The following ZNF407 variants were observed in gnomAD, a reference collection of about 807,000 sequenced individuals.
ZNF407 encodes the protein zinc finger protein 407.
ZNF407 carries 17 observed loss-of-function variants against 131.2 expected under a neutral mutation model. The ratio of observed to expected loss-of-function variants is 0.13; its 90% confidence interval spans 0.09 to 0.19. ZNF407 has a LOEUF of 0.19. Ranked by LOEUF, ZNF407 falls within the 10% of genes least tolerant of loss-of-function variation. The pLI, the probability that ZNF407 is intolerant of heterozygous loss-of-function variation, is 1.00. For synonymous variants in ZNF407, 1,156 were observed against 1,062.0 expected (o/e 1.09, Z -1.72); for missense variants, 2,681 against 2,830.6 (o/e 0.95, Z 1.20).
At chr18:74,695,361 C>T (rs959655540) in intron 3 of ZNF407, among the ~76,000 whole-genome samples, 5 of 152,112 alleles carry the variant, frequency 3.3e-5, no homozygotes, top group Middle Eastern at 3.2e-3. Context: ...AGTCAGGATA[C>T]GAGCATGTGG....
chr18:74,622,175 G>A (rs148863486), intron 1 of ZNF407, among the ~76,000 whole-genome samples: 19 of 152,182 alleles, frequency 1.2e-4, no homozygotes, highest in African/African-American at 3.6e-4. Flanking sequence ...GGAGTGCAGC[G>A]CCCTTTAGTT....
intron 7 of ZNF407, among the ~76,000 whole-genome samples, chr18:74,901,716 C>T (rs1971527662): frequency 6.6e-6 from 1 of 152,066 alleles, no homozygotes; most frequent in African/African-American, 2.4e-5. Context: ...TGTGTGTGGC[C>T]TTTGAACAAT....
At chr18:75,051,981 T>G (rs1283526045) in intron 8 of ZNF407, among the ~76,000 whole-genome samples, 2 of 152,202 alleles carry the variant, frequency 1.3e-5, no homozygotes, top group Admixed American at 1.3e-4. Flanking sequence ...TTAACTCATG[T>G]CTGTCCTCCA....
intron 8 of ZNF407, among the ~76,000 whole-genome samples, chr18:74,943,310 G>A (rs183932614): frequency 9.2e-5 from 14 of 152,274 alleles, no homozygotes; most frequent in South Asian, 2.1e-4. Context: ...CTGATATTAC[G>A]TTAATAGTGA....
intron 3 of ZNF407, among the ~76,000 whole-genome samples, chr18:74,655,006 GTATTT>G (rs1985390925): frequency 6.6e-6 from 1 of 151,748 alleles, no homozygotes. Flanking sequence ...CTAAAAAGTG[GTATTT>G]TACTTTTTCC....
At chr18:74,973,837 T>G (rs1318499514) in intron 8 of ZNF407, among the ~76,000 whole-genome samples, 2 of 152,176 alleles carry the variant, frequency 1.3e-5, no homozygotes, top group Non-Finnish European at 2.9e-5. Flanking sequence ...GCATTCTTTG[T>G]GTGTGTCTGT....
intron 8 of ZNF407, among the ~76,000 whole-genome samples, chr18:74,931,118 G>C (rs948700430): frequency 6.6e-6 from 1 of 152,096 alleles, no homozygotes; most frequent in Admixed American, 6.5e-5. Context: ...CAAAAGGAAC[G>C]TACAGATAAA....
At chr18:74,818,841 A>C (rs1353109255) in intron 4 of ZNF407, among the ~76,000 whole-genome samples, 1 of 144,260 alleles carries the variant, frequency 6.9e-6, no homozygotes, top group African/African-American at 2.5e-5. Flanking sequence ...ATTGTATTTA[A>C]CTGGTTTTAA....
rs190498263 is a variant in ZNF407 at position 74,945,168 on chromosome 18, G to C, written c.5428+24476G>C. 5.1e-4 allele frequency among the ~76,000 whole-genome samples: 77 copies of C among 152,152 alleles called. 1 individual carries two copies. In the East Asian group the frequency reaches 0.012, roughly 23 times the overall value. ...CTGTTGCCTTATCTTTAAGACCCTG[G>C]ACTTGTAAGTGTGAATCAAAACTAA... On this transcript the variant is annotated intron_variant, in intron 8 of 8. Coordinates refer to ENST00000299687, the MANE Select transcript of ZNF407 (RefSeq NM_017757.3).
intron 8 of ZNF407, among the ~76,000 whole-genome samples, chr18:74,932,051 A>G (rs1309909091): frequency 1.3e-5 from 2 of 152,068 alleles, no homozygotes; most frequent in Non-Finnish European, 2.9e-5. Flanking sequence ...CCAGTTTATT[A>G]GTTTTTTCCT....
intron 8 of ZNF407, among the ~76,000 whole-genome samples, chr18:75,049,011 C>T (rs939567867): frequency 6.8e-6 from 1 of 147,760 alleles, no homozygotes; most frequent in African/African-American, 2.5e-5. Flanking sequence ...GCCAGCCACG[C>T]TCCTTGACAG....
At position 74,631,513 on chromosome 18, in the gene ZNF407, A is replaced by G. The variant is rs1268527560; in HGVS notation, c.494A>G (p.Glu165Gly). The change falls in exon 2 of 9, where the codon GAA becomes GGA. Residue 165 changes from glutamate to glycine, a missense_variant. Transcript: ENST00000299687. Reference sequence around the variant, plus strand: ...ATGGTTTCCCTTGATCTGGAAAGAGAATCTCCTTTCCCCCCGAAAGAAATT... The same window carrying G: ...ATGGTTTCCCTTGATCTGGAAAGAGGATCTCCTTTCCCCCCGAAAGAAATT... ...QEMVSLDLER[E>G]SPFPPKEISV... 6.2e-7 allele frequency: 1 copy of G among 1,613,934 alleles called. No homozygotes were observed. The highest frequency in any genetic ancestry group is 1.1e-5 in the South Asian group (1 of 91,086).
chr18:75,060,127 C>T (rs1437320575), intron 8 of ZNF407: 1 of 152,278 alleles, frequency 6.6e-6, no homozygotes, highest in Non-Finnish European at 1.5e-5. Context: ...AAGTCGTGTT[C>T]CGGAAGTGCC....
chr18:74,633,050 C>G lies in ZNF407; in HGVS notation c.2031C>G (p.Asp677Glu), dbSNP rs909882515. 2.5e-6 allele frequency: 4 copies of G among 1,613,796 alleles called. No individual in the cohort carries two copies. In the East Asian group the frequency reaches 8.9e-5, roughly 36 times the overall value. Residue 677 changes from aspartate to glutamate, a missense_variant, in exon 2 of 9, where the codon GAC (aspartate) becomes GAG (glutamate). This residue lies in a region of ZNF407 where 1,789 missense variants were observed against 1,748.7 expected (regional missense o/e 1.02). Coordinates refer to ENST00000299687, the MANE Select transcript of ZNF407 (RefSeq NM_017757.3). ...ESENAKESMDDSGKASQEEPL... is the reference protein window; with the variant it reads ...ESENAKESMDESGKASQEEPL... ...AAAACGCAAAAGAGTCTATGGATGA[C>G]TCAGGAAAAGCATCTCAGGAAGAAC...
chr18:74,954,936 T>C lies in ZNF407; in HGVS notation c.5428+34244T>C, dbSNP rs141714686. On this transcript the variant is annotated intron_variant, in intron 8 of 8. Transcript: ENST00000299687. ...TCCACTCTAAATGGAGCCCCAAGCA[T>C]TGTAATTCAGTTTAATCCTAAAGGT... Among the ~76,000 whole-genome samples, 70 of 152,302 alleles carry C rather than the reference T, an allele frequency of 4.6e-4. 2 individuals carry two copies. The East Asian group carries it at 0.011, about 25-fold the overall frequency.
At chr18:74,781,573 T>C (rs1969603482) in intron 4 of ZNF407, 71 bp downstream of exon 4, 1 of 1,203,600 alleles carries the variant, frequency 8.3e-7, no homozygotes, top group Non-Finnish European at 1.1e-6. Context: ...TTTAATGACA[T>C]GACTTCTAGA....
Position 74,988,865 on chromosome 18 carries a change from G to A in ZNF407, c.5428+68173G>A, listed in dbSNP as rs1348340843. On this transcript the variant is annotated intron_variant, in intron 8 of 8. Transcript: ENST00000299687. ...TAGTCATCTAGAATTTTCAGACATC[G>A]CTGGGGAGAGTGTGAAATGGTACAG... Among the ~76,000 whole-genome samples the A allele has an allele frequency of 5.9e-5, 9 of 152,216 alleles. No homozygotes were observed. In the East Asian group the frequency reaches 1.5e-3, roughly 26 times the overall value.
intron 4 of ZNF407, among the ~76,000 whole-genome samples, chr18:74,874,319 C>T (rs868071177): frequency 6.6e-6 from 1 of 152,192 alleles, no homozygotes; most frequent in African/African-American, 2.4e-5. Context: ...AAACAATCTT[C>T]ACTAGTGAAT....
intron 3 of ZNF407, among the ~76,000 whole-genome samples, chr18:74,748,507 C>A (rs1372105596): frequency 6.6e-6 from 1 of 152,006 alleles, no homozygotes; most frequent in Non-Finnish European, 1.5e-5. Flanking sequence ...AGACAACTTA[C>A]AAAGTTTTAA....
Sources: gnomAD v4.1 joint callset for allele counts (sites outside exome capture counted in the v4.1 genomes callset) on GRCh38, gnomAD v4.1.1 for gene constraint, gnomAD v4.1.1 regional missense constraint, MANE v1.5 for transcripts, NCBI Gene and HGNC (gene_info 2026-07-23, HGNC 2026-07-21) for gene names.